TBXAS1: variants seen among roughly 807,000 people sequenced by gnomAD.
TBXAS1 encodes the protein thromboxane A synthase 1.
A neutral mutation model predicts 60.7 loss-of-function variants in TBXAS1; 48 were observed. That is an observed-to-expected ratio of 0.79 (90% CI 0.63 to 1.01). The LOEUF is 1.01. Among genes scored for constraint, TBXAS1 ranks in the 50% least tolerant of loss-of-function variants. The pLI is 0.00. For synonymous variants in TBXAS1, 287 were observed against 269.7 expected (o/e 1.06, Z -0.63); for missense variants, 685 against 686.3 (o/e 1.00, Z 0.02).
At chr7:139,969,354 T>G (rs1811021999) in intron 9 of TBXAS1, among the ~76,000 whole-genome samples, 1 of 151,848 alleles carries the variant, frequency 6.6e-6, no homozygotes, top group Non-Finnish European at 1.5e-5. Flanking sequence ...CTGTGCTGGT[T>G]ATTTCAGCTT....
At chr7:139,806,217 G>A (rs1797871954) in intron 4 of TBXAS1, among the ~76,000 whole-genome samples, 1 of 151,060 alleles carries the variant, frequency 6.6e-6, no homozygotes, top group Non-Finnish European at 1.5e-5. Flanking sequence ...GGGATTACAG[G>A]CATGAGCCAC....
Position 139,834,301 on chromosome 7 carries a change from A to G in TBXAS1, c.89+4822A>G, listed in dbSNP as rs567549615. Among the ~76,000 whole-genome samples, 12 of 152,372 alleles carry G rather than the reference A, an allele frequency of 7.9e-5. No homozygotes were observed. In the East Asian group the frequency reaches 2.3e-3, roughly 29 times the overall value. ...GACAAAACCTATCAAAACCTCTGGG[A>G]TATAGCTAAGGCAGTGCTAAGAGGA... On this transcript the variant is annotated intron_variant, in intron 1 of 12. Coordinates refer to ENST00000448866, the MANE Select transcript of TBXAS1 (RefSeq NM_001061.7).
intron 3 of TBXAS1, among the ~76,000 whole-genome samples, chr7:139,783,734 T>C (rs554735827): frequency 8.2e-4 from 125 of 152,342 alleles, no homozygotes; most frequent in African/African-American, 2.8e-3. Context: ...GAAGTTTCAA[T>C]TGTAAGGTTT....
At chr7:139,913,126 GGA>G (rs1352923222) in intron 4 of TBXAS1, 1 of 702,786 alleles carries the variant, frequency 1.4e-6, no homozygotes, top group Non-Finnish European at 2.6e-6. Flanking sequence ...TGGCCTGGAG[GGA>G]GGCGGCTGGC....
At chr7:140,008,319 G>A (rs1288498793) in intron 10 of TBXAS1, among the ~76,000 whole-genome samples, 1 of 152,184 alleles carries the variant, frequency 6.6e-6, no homozygotes, top group East Asian at 1.9e-4. Flanking sequence ...TCTCAGTGTG[G>A]AAGCAGGCCA....
At chr7:140,002,114 C>T (rs548812758) in intron 9 of TBXAS1, among the ~76,000 whole-genome samples, 1 of 152,300 alleles carries the variant, frequency 6.6e-6, no homozygotes, top group East Asian at 1.9e-4. Context: ...ATATGTATTC[C>T]TTGAATATGT....
chr7:139,906,975 A>T (rs1807816188), intron 3 of TBXAS1, among the ~76,000 whole-genome samples: 1 of 152,216 alleles, frequency 6.6e-6, no homozygotes, highest in Non-Finnish European at 1.5e-5. Context: ...ATATCATGTC[A>T]TCTCAAAATA....
At chr7:139,785,241 C>A (rs917243771) in intron 3 of TBXAS1, among the ~76,000 whole-genome samples, 2 of 152,114 alleles carry the variant, frequency 1.3e-5, no homozygotes, top group Non-Finnish European at 2.9e-5. Context: ...AAGCTCTCTT[C>A]TGTTCCCTTT....
In TBXAS1 at chr7:139,886,959, G is replaced by A. The variant is rs183405518; in HGVS notation, c.236+11322G>A. Among the ~76,000 whole-genome samples the A allele has an allele frequency of 4.5e-4, 68 of 152,246 alleles. 1 individual carries two copies. Among genetic ancestry groups the A allele is most frequent in the African/African-American group, 1.6e-3 (68 of 41,534 alleles). On this transcript the variant is annotated intron_variant, in intron 3 of 12. Transcript: ENST00000448866. ...GCTCTTTGTCCTCCTCTGTGTAGGA[G>A]CCCACAAGGATGCTTTATCTCCAAT...
At chr7:139,972,822 G>C (rs1811306313) in intron 9 of TBXAS1, among the ~76,000 whole-genome samples, 1 of 152,118 alleles carries the variant, frequency 6.6e-6, no homozygotes, top group Non-Finnish European at 1.5e-5. Context: ...TCGTCCGCTG[G>C]GTACCTTGGT....
intron 4 of TBXAS1, among the ~76,000 whole-genome samples, chr7:139,794,518 T>C (rs1478644483): frequency 6.6e-6 from 1 of 152,104 alleles, no homozygotes; most frequent in Non-Finnish European, 1.5e-5. Context: ...CCCTTTCTTT[T>C]TTTTTTTTAT....
chr7:139,980,232 T>C (rs1302618868), intron 9 of TBXAS1, among the ~76,000 whole-genome samples: 1 of 152,214 alleles, frequency 6.6e-6, no homozygotes, highest in Admixed American at 6.5e-5. Context: ...TGCTTTTCTT[T>C]TCTAAAGTTA....
chr7:139,888,899 G>A (rs755275672), intron 3 of TBXAS1, among the ~76,000 whole-genome samples: 31 of 150,764 alleles, frequency 2.1e-4, no homozygotes, highest in Non-Finnish European at 4.0e-4. Flanking sequence ...GTATAGAGTG[G>A]AGAAGGGGTG....
intron 8 of TBXAS1, among the ~76,000 whole-genome samples, chr7:139,960,416 G>A (rs1487962153): frequency 6.6e-6 from 1 of 152,102 alleles, no homozygotes; most frequent in Admixed American, 6.5e-5. Flanking sequence ...TTGAGGGTGG[G>A]GTCCTGCCCT....
Position 140,017,922 on chromosome 7 carries a change from CA to C in TBXAS1, c.1527+91del. The C allele has an allele frequency of 1.9e-6, 3 of 1,565,790 alleles. No individual in the cohort carries two copies. In the South Asian group the frequency reaches 3.3e-5, roughly 17 times the overall value. ...GCGTGAGAGCAGGCCAGCCTGGGGG[CA>C]ACATCAGGCTCTGCCTCCGTGAGCT... On this transcript the variant is annotated intron_variant, in intron 12 of 12. Coordinates refer to ENST00000448866, the MANE Select transcript of TBXAS1 (RefSeq NM_001061.7).
rs564084073 is a variant in TBXAS1 at position 139,812,170 on chromosome 7, C to T, written c.-79-17142C>T. Among the ~76,000 whole-genome samples, 9 of 152,186 alleles carry T rather than the reference C, an allele frequency of 5.9e-5. No homozygotes were observed. In the South Asian group the frequency reaches 1.9e-3, roughly 32 times the overall value. ...AAAAGACCTCTCTTTTTCTTGTGTG[C>T]CATAAAAATAGCTAGATAGAAACTC... On this transcript the variant is annotated intron_variant, in intron 4 of 16. Transcript: ENST00000336425.
intron 3 of TBXAS1, among the ~76,000 whole-genome samples, chr7:139,891,257 T>TTA (rs1013168124): frequency 1.4e-4 from 21 of 149,676 alleles, no homozygotes; most frequent in Admixed American, 6.7e-4. Flanking sequence ...ATTTATTTAT[T>TTA]TATATATATA....
chr7:139,973,562 T>C (rs1376495326), intron 9 of TBXAS1, among the ~76,000 whole-genome samples: 1 of 151,914 alleles, frequency 6.6e-6, no homozygotes, highest in African/African-American at 2.4e-5. Context: ...TTTCTTTTTT[T>C]TTTTTTTTTA....
chr7:139,822,832 G>C (rs544459082), intron 4 of TBXAS1, among the ~76,000 whole-genome samples: 6 of 152,214 alleles, frequency 3.9e-5, no homozygotes, highest in Admixed American at 3.9e-4. Flanking sequence ...CCACCTAGCT[G>C]ACCCGCAGCC....
Sources: allele counts gnomAD v4.1 joint callset (sites outside exome capture counted in the v4.1 genomes callset), GRCh38; gene constraint gnomAD v4.1.1; transcripts MANE v1.5; gene names NCBI Gene and HGNC (gene_info 2026-07-23, HGNC 2026-07-21).